CACNB4: variants seen among roughly 807,000 people sequenced by gnomAD.
CACNB4 encodes the protein calcium voltage-gated channel auxiliary subunit beta 4.
Under a neutral mutation model 71.2 loss-of-function variants are expected in CACNB4, and 32 were observed. That is an observed-to-expected ratio of 0.45 (90% CI 0.34 to 0.60). The LOEUF is 0.60. CACNB4 is among the 20% of genes least tolerant of loss of function. The pLI is 0.01. For synonymous variants in CACNB4, 231 were observed against 236.9 expected, an observed-to-expected ratio of 0.97 and a Z score of 0.23; for missense variants, 464 against 647.9, an observed-to-expected ratio of 0.72 and a Z score of 3.08.
At chr2:151,892,858 G>A (rs2099851068) in intron 2 of CACNB4, among the ~76,000 whole-genome samples, 1 of 152,210 alleles carries the variant, frequency 6.6e-6, no homozygotes. Context: ...CCCAAAGGGT[G>A]TACACTCTTC....
At chr2:152,077,241 C>T (rs750674595) in intron 2 of CACNB4, among the ~76,000 whole-genome samples, 2 of 151,916 alleles carry the variant, frequency 1.3e-5, no homozygotes, top group Admixed American at 6.6e-5. Flanking sequence ...GCCAAAATGG[C>T]GAAACCTTGT....
rs554543572 is a variant in CACNB4 at position 152,014,158 on chromosome 2, C to T, written c.147+84172G>A. On this transcript the variant is annotated intron_variant, in intron 2 of 13. Coordinates refer to ENST00000539935, the MANE Select transcript of CACNB4 (RefSeq NM_000726.5). ...GCTCAGGAGTTTGAAACCAGCCTGGCCAACATGGTGAAACCCCATCTCTAC... is the reference window on the plus strand; with the variant it reads ...GCTCAGGAGTTTGAAACCAGCCTGGTCAACATGGTGAAACCCCATCTCTAC... Among the ~76,000 whole-genome samples, 180 of 152,272 alleles carry T rather than the reference C, an allele frequency of 1.2e-3. 1 individual carries two copies. The highest frequency in any genetic ancestry group is 4.2e-3 in the African/African-American group (175 of 41,550).
At chr2:151,869,367 GAGGTTACCATGGA>G in intron 8 of CACNB4, 132 bp from the exon 9 acceptor site, 1 of 594,080 alleles carries the variant, frequency 1.7e-6, no homozygotes, top group Non-Finnish European at 3.1e-6. Flanking sequence ...CTCCTAGGGG[GAGGTTACCATGGA>G]AGGTGTTTTT....
intron 2 of CACNB4, among the ~76,000 whole-genome samples, chr2:152,018,728 C>T (rs985311421): frequency 3.3e-5 from 5 of 151,508 alleles, no homozygotes; most frequent in Non-Finnish European, 7.4e-5. Context: ...ACTTTGAGCC[C>T]GGGAGAGCCA....
intron 2 of CACNB4, among the ~76,000 whole-genome samples, chr2:151,958,896 T>A (rs187208337): frequency 6.6e-6 from 1 of 152,300 alleles, no homozygotes; most frequent in African/African-American, 2.4e-5. Context: ...GAAACATCAA[T>A]ACAGTATGTG....
At chr2:151,943,259 C>A (rs2099864720) in intron 2 of CACNB4, among the ~76,000 whole-genome samples, 1 of 152,126 alleles carries the variant, frequency 6.6e-6, no homozygotes, top group Non-Finnish European at 1.5e-5. Flanking sequence ...ATAGAAAGAA[C>A]CTACGTTGAA....
chr2:152,015,877 C>T (rs562576175), intron 2 of CACNB4, among the ~76,000 whole-genome samples: 1 of 152,318 alleles, frequency 6.6e-6, no homozygotes, highest in Admixed American at 6.5e-5. Flanking sequence ...CCCAGTTAGT[C>T]AATATCTGCA....
intron 2 of CACNB4, among the ~76,000 whole-genome samples, chr2:152,037,989 G>A (rs748381521): frequency 1.1e-4 from 16 of 152,214 alleles, no homozygotes; most frequent in Admixed American, 5.9e-4. Flanking sequence ...CAAGGAGGCC[G>A]TGACAAAACG....
At chr2:152,080,056 T>C (rs1427587868) in intron 2 of CACNB4, among the ~76,000 whole-genome samples, 1 of 152,208 alleles carries the variant, frequency 6.6e-6, no homozygotes, top group Non-Finnish European at 1.5e-5. Context: ...GTATAATCTA[T>C]ATATTGAAGT....
chr2:151,948,089 T>C (rs888161157), intron 2 of CACNB4, among the ~76,000 whole-genome samples: 4 of 152,180 alleles, frequency 2.6e-5, no homozygotes, highest in African/African-American at 9.7e-5. Flanking sequence ...GGTGTATTTA[T>C]TGCATTTGGA....
chr2:152,026,355 C>G (rs1683971185), intron 2 of CACNB4, among the ~76,000 whole-genome samples: 1 of 150,560 alleles, frequency 6.6e-6, no homozygotes, highest in Non-Finnish European at 1.5e-5. Context: ...TAAAAACCCT[C>G]TCTGGGCTCC....
intron 2 of CACNB4, among the ~76,000 whole-genome samples, chr2:151,999,257 G>A (rs1682255196): frequency 6.6e-6 from 1 of 151,998 alleles, no homozygotes; most frequent in East Asian, 1.9e-4. Context: ...CCCCCTCTGG[G>A]TTTTTTGCTC....
intron 2 of CACNB4, among the ~76,000 whole-genome samples, chr2:151,884,350 G>A (rs142579398): frequency 0.027 from 3,881 of 143,192 alleles, 159 homozygotes; most frequent in African/African-American, 0.092. Context: ...AAGGCCAGGC[G>A]CAGTGGCTCA....
chr2:151,948,091 G>A (rs572237757), intron 2 of CACNB4, among the ~76,000 whole-genome samples: 48 of 152,146 alleles, frequency 3.2e-4, no homozygotes, highest in Non-Finnish European at 6.0e-4. Flanking sequence ...TGTATTTATT[G>A]CATTTGGATT....
intron 2 of CACNB4, among the ~76,000 whole-genome samples, chr2:152,068,619 T>C (rs1222714520): frequency 6.6e-6 from 1 of 152,080 alleles, no homozygotes; most frequent in Non-Finnish European, 1.5e-5. Context: ...CTGAAACCAG[T>C]CCTAACACCC....
intron 10 of CACNB4, chr2:151,857,996 G>C (rs1365428313): frequency 6.6e-6 from 1 of 152,214 alleles, no homozygotes; most frequent in Non-Finnish European, 1.5e-5. Context: ...TGAGCCCAAT[G>C]TTTGGATAAT....
intron 2 of CACNB4, among the ~76,000 whole-genome samples, chr2:152,095,926 T>A (rs1688242683): frequency 1.3e-5 from 2 of 152,164 alleles, no homozygotes; most frequent in Admixed American, 6.5e-5. Flanking sequence ...GTGCTGGGAT[T>A]ACAGGCGTGA....
At chr2:151,879,072 G>A (rs910906238) in intron 4 of CACNB4, among the ~76,000 whole-genome samples, 6 of 152,132 alleles carry the variant, frequency 3.9e-5, no homozygotes, top group South Asian at 2.1e-4. Context: ...AAGGGCAAAG[G>A]GACCCTTTTA....
chr2:151,985,171 T>A (rs1681275103), intron 2 of CACNB4, among the ~76,000 whole-genome samples: 1 of 152,216 alleles, frequency 6.6e-6, no homozygotes, highest in Non-Finnish European at 1.5e-5. Flanking sequence ...GTAGTCTTAG[T>A]ACTAAAATAT....
Sources: allele counts gnomAD v4.1 joint callset (sites outside exome capture counted in the v4.1 genomes callset), GRCh38; gene constraint gnomAD v4.1.1; transcripts MANE v1.5; gene names NCBI Gene and HGNC (gene_info 2026-07-23, HGNC 2026-07-21).